Variants in CGGBP1 observed in about 807,000 individuals in gnomAD.
CGGBP1 encodes the protein CGG triplet repeat binding protein 1.
CGGBP1 carries 4 observed loss-of-function variants against 11.4 expected under a neutral mutation model. The observed-to-expected ratio is 0.35, with a 90% CI of 0.17 to 0.80. CGGBP1 has a LOEUF of 0.80. CGGBP1 is among the 30% of genes least tolerant of loss of function. The pLI is 0.52. For synonymous variants in CGGBP1, 76 were observed against 74.1 expected (o/e 1.03, Z -0.13); for missense variants, 135 against 202.1 (o/e 0.67, Z 2.01).
At chr3:88,059,284 C>T (rs972256062), upstream of CGGBP1, 8 of 1,532,064 alleles carry the variant, frequency 5.2e-6, no homozygotes, top group Admixed American at 9.9e-5. Flanking sequence ...GCGGCGGCGG[C>T]GCAGGGGCTG....
At chr3:88,096,154 T>C (rs1704046224) in intron 2 of CGGBP1, among the ~76,000 whole-genome samples, 1 of 151,972 alleles carries the variant, frequency 6.6e-6, no homozygotes, top group Non-Finnish European at 1.5e-5. Context: ...ATGTCAACCA[T>C]CCTAGATAAT....
At chr3:88,117,228 C>T (rs899206861) in intron 2 of CGGBP1, among the ~76,000 whole-genome samples, 1 of 152,126 alleles carries the variant, frequency 6.6e-6, no homozygotes, top group Non-Finnish European at 1.5e-5. Context: ...ATTTTCAACT[C>T]ATAATTACTT....
intron 2 of CGGBP1, among the ~76,000 whole-genome samples, chr3:88,119,786 TATTA>T (rs1349740919): frequency 1.3e-5 from 2 of 152,198 alleles, no homozygotes; most frequent in African/African-American, 4.8e-5. Context: ...ATGATAGCCA[TATTA>T]ATTCATTACT....
chr3:88,108,268 A>G (rs1354434279), intron 2 of CGGBP1, among the ~76,000 whole-genome samples: 1 of 152,012 alleles, frequency 6.6e-6, no homozygotes, highest in Non-Finnish European at 1.5e-5. Context: ...TCCAGTCTAG[A>G]AATGTGGGGA....
chr3:88,113,822 AT>A (rs1234438173), intron 2 of CGGBP1, among the ~76,000 whole-genome samples: 3 of 9,160 alleles, frequency 3.3e-4, no homozygotes, highest in African/African-American at 4.7e-4. Flanking sequence ...CAGACAACAT[AT>A]CTTATATTTG....
At chr3:88,126,579 C>CTTTT (rs144091813) in intron 2 of CGGBP1, among the ~76,000 whole-genome samples, 1 of 81,744 alleles carries the variant, frequency 1.2e-5, no homozygotes, top group Non-Finnish European at 2.4e-5. Context: ...GTAGAAACAT[C>CTTTT]TTTTTTTTTT....
chr3:88,073,753 T>C (rs891658609), intron 2 of CGGBP1, among the ~76,000 whole-genome samples: 1 of 152,116 alleles, frequency 6.6e-6, no homozygotes, highest in African/African-American at 2.4e-5. Flanking sequence ...AGTGCATTCT[T>C]CTTAAAAAAA....
At chr3:88,097,609 G>C (rs1704138763) in intron 2 of CGGBP1, among the ~76,000 whole-genome samples, 1 of 152,068 alleles carries the variant, frequency 6.6e-6, no homozygotes, top group Non-Finnish European at 1.5e-5. Flanking sequence ...AAATGTAAAA[G>C]AACAGAAATC....
chr3:88,065,675 AG>A lies in CGGBP1; in HGVS notation c.-228-7453del, dbSNP rs1283078176. On this transcript the variant is annotated intron_variant, in intron 2 of 3. Transcript: ENST00000462901. ...TACTTTATAATCAAAGAAAAAATAA[AG>A]TATATAAAATAAATTTCATTTTCTT... 2.6e-5 allele frequency among the ~76,000 whole-genome samples: 4 copies of A among 152,178 alleles called. No individual in the cohort carries two copies. In the South Asian group the frequency reaches 6.2e-4, roughly 24 times the overall value.
chr3:88,085,538 TTAATA>T (rs1263957558), intron 2 of CGGBP1, among the ~76,000 whole-genome samples: 5 of 152,236 alleles, frequency 3.3e-5, no homozygotes, highest in Admixed American at 1.3e-4. Context: ...ATGGATTTTG[TTAATA>T]TAATATATTG....
chr3:88,105,288 T>C (rs1205337865), intron 2 of CGGBP1, among the ~76,000 whole-genome samples: 1 of 9,056 alleles, frequency 1.1e-4, no homozygotes. Flanking sequence ...CCACCCTGCT[T>C]TTTTTTACTT....
chr3:88,110,709 C>G (rs1705037928), intron 2 of CGGBP1, among the ~76,000 whole-genome samples: 1 of 152,054 alleles, frequency 6.6e-6, no homozygotes, highest in Non-Finnish European at 1.5e-5. Flanking sequence ...ACAAGTTGAT[C>G]TGTAAACATT....
At chr3:88,089,866 G>A (rs11128021) in intron 2 of CGGBP1, among the ~76,000 whole-genome samples, 22,453 of 152,018 alleles carry the variant, frequency 0.15, 1,730 homozygotes, top group African/African-American at 0.17. Flanking sequence ...TAAGTCATGC[G>A]CTGCATAAAG....
chr3:88,083,697 T>A (rs1227531616), intron 2 of CGGBP1, among the ~76,000 whole-genome samples: 1 of 135,350 alleles, frequency 7.4e-6, no homozygotes, highest in Non-Finnish European at 1.6e-5. Context: ...AGAACTGTAG[T>A]AAGAGTGGGT....
intron 2 of CGGBP1, among the ~76,000 whole-genome samples, chr3:88,137,972 A>G (rs1207449512): frequency 2.0e-5 from 3 of 152,126 alleles, no homozygotes; most frequent in African/African-American, 4.8e-5. Context: ...ATTATTCCAA[A>G]CCACTAGAGA....
intron 2 of CGGBP1, chr3:88,139,104 C>G (rs1039151377): frequency 1.2e-5 from 15 of 1,264,626 alleles, no homozygotes; most frequent in Admixed American, 7.8e-5. Context: ...TGAAAGCACA[C>G]TGGAAAATAA....
intron 1 of CGGBP1, among the ~76,000 whole-genome samples, chr3:88,149,382 T>A (rs768192079): frequency 6.6e-6 from 1 of 152,176 alleles, no homozygotes; most frequent in Non-Finnish European, 1.5e-5. Flanking sequence ...CATCGCCTCT[T>A]CTAAGGCCGA....
intron 2 of CGGBP1, among the ~76,000 whole-genome samples, chr3:88,073,562 A>G (rs1707634246): frequency 6.6e-6 from 1 of 152,218 alleles, no homozygotes; most frequent in Non-Finnish European, 1.5e-5. Flanking sequence ...TATGTATACT[A>G]AAGTACTTAG....
In CGGBP1 at chr3:88,068,735, C is replaced by T. The variant is rs188270923; in HGVS notation, c.-228-10512G>A. 2.6e-5 allele frequency among the ~76,000 whole-genome samples: 4 copies of T among 152,200 alleles called. No individual in the cohort carries two copies. The East Asian group carries it at 7.7e-4, about 29-fold the overall frequency. On this transcript the variant is annotated intron_variant, in intron 2 of 3. Coordinates refer to the CGGBP1 transcript ENST00000462901. ...GTTTACCTGTTTTAGCTCATTTAAT[C>T]CACTACCCTACAAGCTATGTGCCAT...
Sources: gnomAD v4.1 joint callset for allele counts (sites outside exome capture counted in the v4.1 genomes callset) on GRCh38, gnomAD v4.1.1 for gene constraint, MANE v1.5 for transcripts, NCBI Gene and HGNC (gene_info 2026-07-23, HGNC 2026-07-21) for gene names.